The following ASS1 variants were observed in gnomAD, a reference collection of about 807,000 sequenced individuals.
ASS1 encodes argininosuccinate synthase 1.
A neutral mutation model predicts 60.5 loss-of-function variants in ASS1; 58 were observed. The ratio of observed to expected loss-of-function variants is 0.96; its 90% CI spans 0.78 to 1.19. ASS1 has a LOEUF of 1.19. Among genes scored for constraint, ASS1 ranks in the 50% most tolerant of loss-of-function variants. The probability of loss-of-function intolerance (pLI) is 0.00; values close to 1 mark genes in which losing one functional copy is unlikely to be tolerated. For synonymous variants in ASS1, 200 were observed against 206.9 expected, an observed-to-expected ratio of 0.97 and a Z score of 0.29; for missense variants, 454 against 547.3, an observed-to-expected ratio of 0.83 and a Z score of 1.70.
intron 12 of ASS1, among the ~76,000 whole-genome samples, chr9:130,493,444 C>A (rs893897014): frequency 6.6e-6 from 1 of 152,174 alleles, no homozygotes; most frequent in African/African-American, 2.4e-5. Context: ...GGCTGGGATG[C>A]GGACTCACAG....
At chr9:130,456,909 G>C (rs1845462281) in intron 3 of ASS1, among the ~76,000 whole-genome samples, 1 of 151,062 alleles carries the variant, frequency 6.6e-6, no homozygotes, top group Non-Finnish European at 1.5e-5. Flanking sequence ...CTGGATGACA[G>C]AGAGTCCATC....
At position 130,477,485 on chromosome 9, in the gene ASS1, G is replaced by A. The variant is rs867242879; in HGVS notation, c.688+524G>A. On this transcript the variant is annotated intron_variant, in intron 9 of 14. Transcript: ENST00000352480. The surrounding 1 kb of genome is among the most constrained non-coding windows in gnomAD (Gnocchi z 4.2). Reference sequence around the variant, plus strand: ...CTGGGCCTCACCCTGCTGACCCCACGTTCAAAGCTGCGGCCACTCTTGCTC... The same window carrying A: ...CTGGGCCTCACCCTGCTGACCCCACATTCAAAGCTGCGGCCACTCTTGCTC... Among the ~76,000 whole-genome samples, 26 of 152,294 alleles carry A rather than the reference G, an allele frequency of 1.7e-4. No homozygotes were observed. The South Asian group carries it at 3.1e-3, about 18-fold the overall frequency.
intron 8 of ASS1, among the ~76,000 whole-genome samples, chr9:130,474,913 G>A (rs1845977772): frequency 1.3e-5 from 2 of 152,224 alleles, no homozygotes; most frequent in Non-Finnish European, 2.9e-5. Flanking sequence ...CCTACCTCCT[G>A]GAGTCTGTCT....
intron 8 of ASS1, among the ~76,000 whole-genome samples, chr9:130,474,588 C>T (rs1257238836): frequency 6.6e-6 from 1 of 152,174 alleles, no homozygotes; most frequent in Non-Finnish European, 1.5e-5. Flanking sequence ...TGTGGTCACC[C>T]CAAGATCCAG....
At position 130,453,812 on chromosome 9, in the gene ASS1, G is replaced by A. The variant is rs115570109; in HGVS notation, c.106-493G>A. Among the ~76,000 whole-genome samples, 649 of 152,324 alleles carry A rather than the reference G, an allele frequency of 4.3e-3. 4 individuals carry two copies. The highest frequency in any genetic ancestry group is 0.015 in the African/African-American group (609 of 41,558). On this transcript the variant is annotated intron_variant, in intron 2 of 14. Transcript: ENST00000352480. ...AGGTCAGGGCACTGGCCACAGGGAC[G>A]GAGCTGGAAGTTCCTGAGCACGGGC...
chr9:130,490,650 A>T (rs922383107), intron 12 of ASS1, among the ~76,000 whole-genome samples: 8 of 152,076 alleles, frequency 5.3e-5, no homozygotes, highest in Non-Finnish European at 8.8e-5. Flanking sequence ...AGGAAAAAAA[A>T]TTTTTTAATG....
chr9:130,468,914 G>A (rs1277045192), intron 6 of ASS1, among the ~76,000 whole-genome samples: 1 of 152,224 alleles, frequency 6.6e-6, no homozygotes, highest in Non-Finnish European at 1.5e-5. Flanking sequence ...GAGTGTGAGG[G>A]GAGGCACCTC....
rs768496429 is a variant in ASS1, at chr9:130,479,753, C to T, written c.726C>T (p.Thr242=). Residue 242 remains threonine (T), a synonymous_variant, in exon 10 of 15, where the codon ACC becomes ACT. Coordinates refer to ENST00000352480, the MANE Select transcript of ASS1 (RefSeq NM_054012.4). Reference sequence around the variant, plus strand: ...AGGTGACCAACGTCAAGGATGGCACCACCCACCAGACCTCCTTGGAGCTCT... The same window carrying T: ...AGGTGACCAACGTCAAGGATGGCACTACCCACCAGACCTCCTTGGAGCTCT... The part of the protein sequence containing the change: ...PVKVTNVKDG[T]THQTSLELFM... 24 of 1,614,102 alleles carry T rather than the reference C, an allele frequency of 1.5e-5. No individual in the cohort carries two copies. In the South Asian group the frequency reaches 2.0e-4, roughly 13 times the overall value.
intron 2 of ASS1, 141 bp downstream of exon 2, chr9:130,452,474 C>A: frequency 1.3e-6 from 1 of 765,804 alleles, no homozygotes; most frequent in Non-Finnish European, 2.3e-6. Flanking sequence ...CGAAGCCTGT[C>A]TTGAACTGGA....
At chr9:130,449,578 T>C (rs1419854564) in intron 1 of ASS1, among the ~76,000 whole-genome samples, 1 of 152,100 alleles carries the variant, frequency 6.6e-6, no homozygotes, top group Non-Finnish European at 1.5e-5. Flanking sequence ...CTTCCCTTCC[T>C]TGAGTCTCCA....
chr9:130,472,612 T>C (rs1325769783), intron 8 of ASS1, among the ~76,000 whole-genome samples: 1 of 152,178 alleles, frequency 6.6e-6, no homozygotes, highest in African/African-American at 2.4e-5. Context: ...CCCCTCCCTG[T>C]CCAAACCTGT....
At chr9:130,463,496 G>A (rs1439650779) in intron 4 of ASS1, among the ~76,000 whole-genome samples, 1 of 152,202 alleles carries the variant, frequency 6.6e-6, no homozygotes, top group Non-Finnish European at 1.5e-5. Context: ...TCCCGGGCCT[G>A]CCCTGGCTGT....
intron 1 of ASS1, among the ~76,000 whole-genome samples, chr9:130,446,423 G>A (rs559541712): frequency 5.3e-5 from 8 of 152,336 alleles, no homozygotes; most frequent in Middle Eastern, 3.4e-3. Flanking sequence ...GGCCTAGGGC[G>A]GGGAAGTTTG....
At chr9:130,479,513 C>G (rs1370607847) in intron 9 of ASS1, among the ~76,000 whole-genome samples, 1 of 152,168 alleles carries the variant, frequency 6.6e-6, no homozygotes, top group East Asian at 1.9e-4. Flanking sequence ...TGCATTTTCT[C>G]TTTCATTCTG....
intron 8 of ASS1, among the ~76,000 whole-genome samples, chr9:130,472,647 C>T (rs1845898197): frequency 1.3e-5 from 2 of 152,202 alleles, no homozygotes; most frequent in Non-Finnish European, 2.9e-5. Flanking sequence ...GCCACCCTTG[C>T]CCCCTGGGGG....
intron 11 of ASS1, among the ~76,000 whole-genome samples, chr9:130,480,843 C>T (rs1207522547): frequency 6.6e-6 from 1 of 152,224 alleles, no homozygotes; most frequent in Non-Finnish European, 1.5e-5. Context: ...GCCGGCCAGG[C>T]AGGGCGAAAA....
intron 13 of ASS1, among the ~76,000 whole-genome samples, chr9:130,496,282 G>T (rs775746870): frequency 6.6e-6 from 1 of 151,894 alleles, no homozygotes; most frequent in East Asian, 1.9e-4. Flanking sequence ...TTAGCTAAGC[G>T]TGGTGGCATG....
At chr9:130,461,848 CG>C (rs1588478684) in intron 4 of ASS1, among the ~76,000 whole-genome samples, 1 of 152,168 alleles carries the variant, frequency 6.6e-6, no homozygotes, top group Non-Finnish European at 1.5e-5. Flanking sequence ...GGCGCCATCA[CG>C]GGGGACGGGC....
At chr9:130,484,467 G>T (rs1486214587) in intron 11 of ASS1, among the ~76,000 whole-genome samples, 1 of 151,898 alleles carries the variant, frequency 6.6e-6, no homozygotes, top group East Asian at 1.9e-4. Flanking sequence ...ACCTTTCTTG[G>T]CAGTAATTAT....
Sources: gnomAD v4.1 joint callset for allele counts (sites outside exome capture counted in the v4.1 genomes callset) on GRCh38, gnomAD v4.1.1 for gene constraint, Gnocchi (gnomAD v3.1) non-coding constraint, MANE v1.5 for transcripts, NCBI Gene and HGNC (gene_info 2026-07-23, HGNC 2026-07-21) for gene names.